The following JMJD1C variants were observed in gnomAD, a reference collection of about 807,000 sequenced individuals.
The protein encoded by JMJD1C is jumonji domain containing 1C.
A neutral mutation model predicts 245.3 loss-of-function variants in JMJD1C; 31 were observed. The observed-to-expected ratio is 0.13, with a 90% confidence interval of 0.09 to 0.17. The LOEUF (loss-of-function observed/expected upper bound fraction) is 0.17, where lower values mean the gene tolerates loss of function less well. Among genes scored for constraint, JMJD1C ranks in the 10% least tolerant of loss-of-function variants. The pLI is 1.00. For missense variants in JMJD1C, 2,691 were observed against 3,000.2 expected (o/e 0.90, Z 2.41); for synonymous variants, 1,057 against 1,017.4 (o/e 1.04, Z -0.74).
intron 1 of JMJD1C, among the ~76,000 whole-genome samples, chr10:63,386,282 C>T (rs978204023): frequency 6.6e-6 from 1 of 152,180 alleles, no homozygotes; most frequent in African/African-American, 2.4e-5. Context: ...CCAGGGTCAA[C>T]ACCCTAGCAA....
At chr10:63,457,176 C>G (rs1445516725) in intron 1 of JMJD1C, among the ~76,000 whole-genome samples, 1 of 152,024 alleles carries the variant, frequency 6.6e-6, no homozygotes, top group African/African-American at 2.4e-5. Flanking sequence ...AGTGGTAGTA[C>G]AAATTGAAAA....
At chr10:63,203,472 C>T in intron 10 of JMJD1C, 1 of 985,018 alleles carries the variant, frequency 1.0e-6, no homozygotes. Context: ...CTCTGATATG[C>T]CACCCCCTTA....
intron 2 of JMJD1C, among the ~76,000 whole-genome samples, chr10:63,320,416 CATT>C (rs1323993814): frequency 2.6e-5 from 4 of 152,084 alleles, no homozygotes; most frequent in African/African-American, 9.6e-5. Flanking sequence ...TCTGTGTGCT[CATT>C]TTCTTCTAGG....
In JMJD1C at chr10:63,214,164, G is replaced by A; in HGVS notation, c.2003C>T (p.Thr668Ile). 1 of 1,614,122 alleles carries A rather than the reference G, an allele frequency of 6.2e-7. No homozygotes were observed. Among genetic ancestry groups the A allele is most frequent in the African/African-American group, 1.3e-5 (1 of 75,038 alleles). ...CTTATTTGCCAATCTTCTTTCACCA[G>A]TAGCTTGGCTGTTCACATAAGTGGC... The part of the protein sequence containing the change: ...SKATYVNSQA[T>I]GERRLANKIE... Residue 668 changes from threonine to isoleucine, a missense_variant, in exon 8 of 26, where the codon ACT becomes ATT. Thr to Ile is a moderately conservative substitution (Grantham distance 89). Transcript: ENST00000399262.
chr10:63,373,127 TTATTA>T (rs1212028660), intron 2 of JMJD1C: 1 of 170,216 alleles, frequency 5.9e-6, no homozygotes, highest in Non-Finnish European at 1.5e-5. Context: ...GTATTTTACT[TTATTA>T]AAAAGTAAAT....
At chr10:63,247,292 C>T (rs1423804015) in intron 3 of JMJD1C, among the ~76,000 whole-genome samples, 1 of 151,934 alleles carries the variant, frequency 6.6e-6, no homozygotes, top group Admixed American at 6.6e-5. Flanking sequence ...TACAAAGACT[C>T]ATTAGAGACT....
chr10:63,479,017 A>T (rs12414159), intron 1 of JMJD1C, among the ~76,000 whole-genome samples: 21,416 of 152,188 alleles, frequency 0.14, 2,108 homozygotes, highest in Admixed American at 0.29. Flanking sequence ...GTCTTAATAT[A>T]AGCAAGAATT....
intron 7 of JMJD1C, 24 bp from the exon 8 acceptor site, chr10:63,215,175 T>A (rs1311007319): frequency 2.7e-6 from 4 of 1,508,944 alleles, no homozygotes. Flanking sequence ...GAAAGAAGAG[T>A]CTTATTTTTC....
At chr10:63,203,237 A>G (rs1204210522) in intron 10 of JMJD1C, 1 of 982,436 alleles carries the variant, frequency 1.0e-6, no homozygotes, top group Non-Finnish European at 1.2e-6. Context: ...TACAATAAAT[A>G]AAACTTCATC....
At chr10:63,400,314 C>T (rs187134139) in intron 1 of JMJD1C, among the ~76,000 whole-genome samples, 7 of 152,216 alleles carry the variant, frequency 4.6e-5, no homozygotes, top group African/African-American at 1.7e-4. Flanking sequence ...TGACAAAACC[C>T]CATTATAGGA....
chr10:63,194,990 CACAG>C (rs1163973434), intron 13 of JMJD1C, among the ~76,000 whole-genome samples: 1 of 152,154 alleles, frequency 6.6e-6, no homozygotes, highest in Non-Finnish European at 1.5e-5. Flanking sequence ...AATTTAGTGA[CACAG>C]ACAGCTACTT....
At chr10:63,380,712 T>C (rs1947145737) in intron 1 of JMJD1C, among the ~76,000 whole-genome samples, 1 of 152,166 alleles carries the variant, frequency 6.6e-6, no homozygotes, top group Non-Finnish European at 1.5e-5. Flanking sequence ...AAAAATACAA[T>C]AAATTATTGC....
At chr10:63,302,983 A>G (rs1036626149) in intron 2 of JMJD1C, among the ~76,000 whole-genome samples, 1 of 152,220 alleles carries the variant, frequency 6.6e-6, no homozygotes, top group African/African-American at 2.4e-5. Flanking sequence ...TCTTGGGCTC[A>G]AGGGATCCTC....
Position 63,415,275 on chromosome 10 carries a change from A to T in JMJD1C, c.169-34793T>A, listed in dbSNP as rs563210683. On this transcript the variant is annotated intron_variant, in intron 1 of 25. Coordinates refer to ENST00000399262, the MANE Select transcript of JMJD1C (RefSeq NM_032776.3). ...TCTTTAAATTTTAGTGTCATTATTC[A>T]TTTAAAAGCTGCCAGTTTACTAAAT... Among the ~76,000 whole-genome samples, 420 of 152,220 alleles carry T rather than the reference A, an allele frequency of 2.8e-3. 3 individuals are homozygous for T. Among genetic ancestry groups the T allele is most frequent in the African/African-American group, 6.9e-3 (287 of 41,508 alleles).
intron 3 of JMJD1C, among the ~76,000 whole-genome samples, chr10:63,252,113 G>C (rs2133637089): frequency 6.6e-6 from 1 of 152,322 alleles, no homozygotes; most frequent in African/African-American, 2.4e-5. Flanking sequence ...AAATGGCTCA[G>C]GGATATCCAT....
At chr10:63,439,628 T>C (rs1305072580) in intron 1 of JMJD1C, among the ~76,000 whole-genome samples, 1 of 152,192 alleles carries the variant, frequency 6.6e-6, no homozygotes, top group Non-Finnish European at 1.5e-5. Context: ...TAAGGCCTTA[T>C]TTCTATTTTA....
intron 1 of JMJD1C, among the ~76,000 whole-genome samples, chr10:63,453,878 A>ACT (rs1272418174): frequency 4.6e-5 from 7 of 152,102 alleles, no homozygotes; most frequent in African/African-American, 1.7e-4. Context: ...AGCTGGAACT[A>ACT]CACCCGGCTA....
intron 2 of JMJD1C, among the ~76,000 whole-genome samples, chr10:63,287,315 A>C (rs1858100147): frequency 6.6e-6 from 1 of 152,270 alleles, no homozygotes; most frequent in Non-Finnish European, 1.5e-5. Flanking sequence ...ACAGAAACTC[A>C]GTAGGAGACA....
chr10:63,239,406 A>AAT (rs1488221583), intron 3 of JMJD1C, among the ~76,000 whole-genome samples: 1 of 152,138 alleles, frequency 6.6e-6, no homozygotes, highest in Non-Finnish European at 1.5e-5. Context: ...CTGGGAGACT[A>AAT]ATATGTAAGG....
Sources: allele counts gnomAD v4.1 joint callset (sites outside exome capture counted in the v4.1 genomes callset), GRCh38; gene constraint gnomAD v4.1.1; transcripts MANE v1.5; gene names NCBI Gene and HGNC (gene_info 2026-07-23, HGNC 2026-07-21).